SV2B: variants seen among roughly 807,000 people sequenced by gnomAD.
The protein encoded by SV2B is synaptic vesicle glycoprotein 2B.
In SV2B, 41 loss-of-function variants were observed where a neutral mutation model predicts 73.9. The observed-to-expected ratio is 0.56, with a 90% CI of 0.43 to 0.72. The LOEUF is 0.72. Among genes scored for constraint, SV2B ranks in the 30% least tolerant of loss-of-function variants. The pLI, the probability that SV2B is intolerant of heterozygous loss-of-function variation, is 0.00. For missense variants in SV2B, 764 were observed against 857.8 expected, an observed-to-expected ratio of 0.89 and a Z score of 1.37; for synonymous variants, 314 against 314.2, an observed-to-expected ratio of 1.00 and a Z score of 0.01.
At position 91,265,613 on chromosome 15, in the gene SV2B, A is replaced by G. The variant is rs546460877; in HGVS notation, c.1009-969A>G. 3.3e-5 allele frequency among the ~76,000 whole-genome samples: 5 copies of G among 152,336 alleles called. No homozygotes were observed. The highest frequency in any genetic ancestry group is 1.2e-4 in the African/African-American group (5 of 41,580). ...TCTGTAGCTGGGGGTCATAACATCC[A>G]TGAAGGTACTGAATAGCTTGAAGCC... is the stretch of plus-strand genomic sequence containing the variant. On this transcript the variant is annotated intron_variant, in intron 6 of 12. Coordinates refer to ENST00000394232, the MANE Select transcript of SV2B (RefSeq NM_001323032.3). The surrounding 1 kb of genome is among the most constrained non-coding windows in gnomAD (Gnocchi z 4.2).
chr15:91,279,399 C>A (rs1363177852), intron 9 of SV2B, among the ~76,000 whole-genome samples: 1 of 152,208 alleles, frequency 6.6e-6, no homozygotes, highest in Non-Finnish European at 1.5e-5. Context: ...CCTTGGATTG[C>A]CAATGGCTTC....
chr15:91,287,678 C>A (rs1270562024), intron 11 of SV2B, among the ~76,000 whole-genome samples: 2 of 152,128 alleles, frequency 1.3e-5, no homozygotes, highest in Non-Finnish European at 2.9e-5. Flanking sequence ...GGGAGCCCTG[C>A]GAGGCTAACC....
In SV2B at chr15:91,294,460, A is replaced by G. The variant is rs1202381058; in HGVS notation, c.*1908A>G. Reference sequence around the variant, plus strand: ...GACACCCTGATTCCTCCAAATATATATACCACTGTGTATTAATCTTTCTCT... The same window carrying G: ...GACACCCTGATTCCTCCAAATATATGTACCACTGTGTATTAATCTTTCTCT... On this transcript the variant is annotated 3_prime_UTR_variant, in exon 13 of 13. Coordinates refer to ENST00000394232, the MANE Select transcript of SV2B (RefSeq NM_001323032.3). This position sits in a 1 kb window ranked among gnomAD's most constrained non-coding sequence, Gnocchi z 4.1. 6.6e-6 allele frequency: 1 copy of G among 152,026 alleles called. No homozygotes were observed. The highest frequency in any genetic ancestry group is 2.4e-5 in the African/African-American group (1 of 41,300). 9.4% of individuals were successfully genotyped at this position (152,026 alleles called of 1,614,324 possible).
rs754322354 is a variant in SV2B, at chr15:91,240,065, G to A, written c.452-11754G>A. On this transcript the variant is annotated intron_variant, in intron 2 of 12. Transcript: ENST00000394232. This position sits in a 1 kb window ranked among gnomAD's most constrained non-coding sequence, Gnocchi z 4.6. ...CTGAGGAGGCAATCTCTCTGAACAC[G>A]TTTAATACCTGAACAAAAGCCAGGG... Among the ~76,000 whole-genome samples, 8 of 152,158 alleles carry A rather than the reference G, an allele frequency of 5.3e-5. No homozygotes were observed. Among genetic ancestry groups the A allele is most frequent in the East Asian group, 1.9e-4 (1 of 5,184 alleles).
At chr15:91,238,354 T>C (rs772957748) in intron 2 of SV2B, among the ~76,000 whole-genome samples, 4 of 152,192 alleles carry the variant, frequency 2.6e-5, no homozygotes, top group Non-Finnish European at 5.9e-5. Context: ...GTTTAACAGA[T>C]GAGAAAACAT....
chr15:91,296,931 G>A lies in SV2B; in HGVS notation c.*4379G>A, dbSNP rs115001540. The A allele has an allele frequency of 0.048, 6,386 of 132,940 alleles. 702 individuals are homozygous for A. Among genetic ancestry groups the A allele is most frequent in the African/African-American group, 0.19 (5,927 of 31,548 alleles). 8.2% of individuals were successfully genotyped at this position (132,940 alleles called of 1,614,324 possible). ...GGGCGCATGCTCCTTCTGCCCGATC[G>A]TTGGGAGCACGCTCATTCTGCCCGA... On this transcript the variant is annotated 3_prime_UTR_variant, in exon 13 of 13. Transcript: ENST00000394232.
At chr15:91,238,085 G>C (rs2046861434) in intron 2 of SV2B, among the ~76,000 whole-genome samples, 1 of 152,136 alleles carries the variant, frequency 6.6e-6, no homozygotes, top group South Asian at 2.1e-4. Flanking sequence ...AAGTTGAAAG[G>C]TTTATTTTCT....
rs763367419 is a variant in SV2B at position 91,284,138 on chromosome 15, G to A, written c.1625G>A (p.Ser542Asn). The A allele has an allele frequency of 1.2e-6, 2 of 1,614,184 alleles. No homozygotes were observed. Among genetic ancestry groups the A allele is most frequent in the East Asian group, 2.2e-5 (1 of 44,888 alleles). ...QDNDFLIYLV[S>N]FLGSLSVLPG... Reference sequence around the variant, plus strand: ...AATGACTTCCTGATTTACCTCGTCAGCTTCCTGGGCAGCCTGTCTGTCTTA... The same window carrying A: ...AATGACTTCCTGATTTACCTCGTCAACTTCCTGGGCAGCCTGTCTGTCTTA... Residue 542 changes from serine to asparagine, a missense_variant, in exon 11 of 13, where the codon AGC becomes AAC. Transcript: ENST00000394232. The surrounding 1 kb of genome is among the most constrained non-coding windows in gnomAD (Gnocchi z 4.5).
chr15:91,185,764 G>A (rs2044745558), intron 1 of SV2B, among the ~76,000 whole-genome samples: 1 of 152,184 alleles, frequency 6.6e-6, no homozygotes, highest in Admixed American at 6.5e-5. Context: ...TACCTTGCAA[G>A]GCAGATTGTG....
Position 91,281,796 on chromosome 15 carries a change from A to G in SV2B, c.1442A>G (p.Asp481Gly). 6.2e-7 allele frequency: 1 copy of G among 1,613,546 alleles called. No homozygotes were observed. Among genetic ancestry groups the G allele is most frequent in the Non-Finnish European group, 8.5e-7 (1 of 1,179,670 alleles). ...TTCTTTGACGAGTGCTATTTTGAAGACGTAACATCAACAGATACCTACTTC... is the reference window on the plus strand; with the variant it reads ...TTCTTTGACGAGTGCTATTTTGAAGGCGTAACATCAACAGATACCTACTTC... ...DTFFDECYFE[D>G]VTSTDTYFKN... Residue 481 changes from aspartate (D) to glycine (G), a missense_variant, in exon 10 of 13, where the codon GAC (aspartate) becomes GGC (glycine). Coordinates refer to ENST00000394232, the MANE Select transcript of SV2B (RefSeq NM_001323032.3). The surrounding 1 kb of genome is among the most constrained non-coding windows in gnomAD (Gnocchi z 4.7).
chr15:91,300,717 T>C lies in SV2B; in HGVS notation c.*8165T>C, dbSNP rs984860000. ...CTACAAAAGTGACTATCTTAATCCT[T>C]TGGCTAGATGGGATACCTCTTCTAC... On this transcript the variant is annotated 3_prime_UTR_variant, in exon 13 of 13. Coordinates refer to ENST00000394232, the MANE Select transcript of SV2B (RefSeq NM_001323032.3). 2.0e-5 allele frequency: 3 copies of C among 152,182 alleles called. No homozygotes were observed. The highest frequency in any genetic ancestry group is 4.4e-5 in the Non-Finnish European group (3 of 68,042). The allele number at this position is 152,182 out of a possible 1,614,324, so 9.4% of individuals were successfully genotyped here. A position where few individuals can be genotyped will look rare whatever the true frequency, so the allele number is the denominator to read the frequency against.
At chr15:91,225,464 T>A in intron 1 of SV2B, among the ~76,000 whole-genome samples, 1 of 152,240 alleles carries the variant, frequency 6.6e-6, no homozygotes, top group East Asian at 1.9e-4. Flanking sequence ...AATACAAAAT[T>A]GTCTTAGAGT....
chr15:91,236,294 G>A lies in SV2B; in HGVS notation c.451+9580G>A, dbSNP rs966301341. Among the ~76,000 whole-genome samples the A allele has an allele frequency of 2.0e-5, 3 of 152,082 alleles. No individual in the cohort carries two copies. The highest frequency in any genetic ancestry group is 6.6e-5 in the Admixed American group (1 of 15,258). ...TTGCTAATTATCAGAATAAACATAT[G>A]TTATTTATTTATTTGTATTGATTCA... On this transcript the variant is annotated intron_variant, in intron 2 of 12. Coordinates refer to ENST00000394232, the MANE Select transcript of SV2B (RefSeq NM_001323032.3). The surrounding 1 kb of genome is among the most constrained non-coding windows in gnomAD (Gnocchi z 4.1).
chr15:91,171,287 A>G (rs1272799997), intron 1 of SV2B, among the ~76,000 whole-genome samples: 1 of 152,364 alleles, frequency 6.6e-6, no homozygotes, highest in East Asian at 1.9e-4. Flanking sequence ...GAAGCTATGA[A>G]TACTACTTAC....
intron 1 of SV2B, among the ~76,000 whole-genome samples, chr15:91,203,691 A>G (rs1385336897): frequency 6.6e-6 from 1 of 152,198 alleles, no homozygotes; most frequent in African/African-American, 2.4e-5. Context: ...TACAGTAGAA[A>G]AAGCTCTGGA....
chr15:91,193,235 G>A (rs1476077), intron 1 of SV2B, among the ~76,000 whole-genome samples: 23,156 of 152,072 alleles, frequency 0.15, 3,786 homozygotes, highest in African/African-American at 0.41. Flanking sequence ...GAAGGAGACG[G>A]CCTGCTTAGG....
chr15:91,240,257 T>G lies in SV2B; in HGVS notation c.452-11562T>G, dbSNP rs1272575037. ...ACTTAACCTCCCTAACCTTGGTTTCTTAATGTGTGATATTAAAATACTATT... is the reference window on the plus strand; with the variant it reads ...ACTTAACCTCCCTAACCTTGGTTTCGTAATGTGTGATATTAAAATACTATT... On this transcript the variant is annotated intron_variant, in intron 2 of 12. Transcript: ENST00000394232. The surrounding 1 kb of genome is among the most constrained non-coding windows in gnomAD (Gnocchi z 4.6). Among the ~76,000 whole-genome samples, 2 of 152,222 alleles carry G rather than the reference T, an allele frequency of 1.3e-5. No homozygotes were observed. The highest frequency in any genetic ancestry group is 2.9e-5 in the Non-Finnish European group (2 of 68,032).
Position 91,260,339 on chromosome 15 carries a change from C to G in SV2B, c.938C>G (p.Ala313Gly), listed in dbSNP as rs1370163133. 1.2e-6 allele frequency: 2 copies of G among 1,612,360 alleles called. No individual in the cohort carries two copies. The highest frequency in any genetic ancestry group is 1.7e-6 in the Non-Finnish European group (2 of 1,179,518). Residue 313 changes from alanine (A) to glycine (G), a missense_variant, in exon 6 of 13, where the codon GCC becomes GGC. By Grantham distance (60) the Ala-to-Gly change is moderately conservative (BLOSUM62 0). Transcript: ENST00000394232. ...CACCAGATGGGCAAACATGATGAAG[C>G]CTGGATGATTCTCAAGCAAGTCCAT... is the stretch of plus-strand genomic sequence containing the variant. ...FLLEMGKHDE[A>G]WMILKQVHDT...
In SV2B at chr15:91,302,044, C is replaced by T. The variant is rs1201693348; in HGVS notation, c.*9492C>T. On this transcript the variant is annotated 3_prime_UTR_variant, in exon 13 of 13. Transcript: ENST00000394232. ...CTGCAGATGTTTCTGGGCCACTAGG[C>T]CAATATTAACCAAATTATTATAGAC... 6.6e-6 allele frequency among the ~76,000 whole-genome samples: 1 copy of T among 152,144 alleles called. No individual in the cohort carries two copies. The highest frequency in any genetic ancestry group is 6.5e-5 in the Admixed American group (1 of 15,276).
Sources: allele counts gnomAD v4.1 joint callset (sites outside exome capture counted in the v4.1 genomes callset), GRCh38; gene constraint gnomAD v4.1.1; non-coding constraint Gnocchi (gnomAD v3.1); transcripts MANE v1.5; gene names NCBI Gene and HGNC (gene_info 2026-07-23, HGNC 2026-07-21).